Variants in VPS37B observed in about 807,000 individuals in gnomAD.
VPS37B encodes the protein VPS37B subunit of ESCRT-I.
A neutral mutation model predicts 21.2 loss-of-function variants in VPS37B; 11 were observed. The observed-to-expected ratio is 0.52, with a 90% CI of 0.33 to 0.86. The LOEUF (loss-of-function observed/expected upper bound fraction) is 0.86, where lower values mean the gene tolerates loss of function less well. VPS37B is among the 40% of genes least tolerant of loss of function. The pLI is 0.03. For missense variants in VPS37B, 389 were observed against 374.8 expected, an observed-to-expected ratio of 1.04 and a Z score of -0.31; for synonymous variants, 175 against 159.6, an observed-to-expected ratio of 1.10 and a Z score of -0.73.
intron 1 of VPS37B, chr12:122,888,466 G>A (rs1284983318): frequency 2.3e-6 from 1 of 444,388 alleles, no homozygotes; most frequent in Non-Finnish European, 4.6e-6. Context: ...GAGCGCCAGT[G>A]ATTACCTACG....
In VPS37B at chr12:122,895,868, G is replaced by A; in HGVS notation, c.111+84C>T. On this transcript the variant is annotated intron_variant, in intron 1 of 3. Transcript: ENST00000267202. ...CCTCAACACGACCGGAGGCGCCGCG[G>A]TCGCCTCCGCCTCCGGCCACCGTTC... 3.9e-6 allele frequency: 5 copies of A among 1,285,546 alleles called. No homozygotes were observed. In the South Asian group the frequency reaches 4.7e-5, roughly 12 times the overall value. The allele number at this position is 1,285,546 out of a possible 1,614,324, so 79.6% of individuals were successfully genotyped here.
intron 1 of VPS37B, chr12:122,877,711 A>G (rs2034176577): frequency 6.6e-6 from 1 of 152,198 alleles, no homozygotes; most frequent in Non-Finnish European, 1.5e-5. Flanking sequence ...CCTTTTCTAA[A>G]CCTTCCCCAG....
chr12:122,882,024 C>A (rs1445595775), intron 1 of VPS37B: 1 of 152,074 alleles, frequency 6.6e-6, no homozygotes, highest in Non-Finnish European at 1.5e-5. Context: ...AACTTTTTAA[C>A]CCTAGCTACA....
In VPS37B at chr12:122,867,239, G is replaced by A. The variant is rs138310143; in HGVS notation, c.735C>T (p.Pro245=). ...YPGLQCPPLP[P]RVGLPTQQGF... ...CTTGCTGAGTGGGGAGGCCCACGCG[G>A]GGGGGCAGGGGCGGGCACTGTAATC... The change falls in exon 4 of 4, where the codon CCC becomes CCT. Residue 245 remains proline, a synonymous_variant. Transcript: ENST00000267202. The surrounding 1 kb of genome is among the most constrained non-coding windows in gnomAD (Gnocchi z 5.5). 3,471 of 1,570,222 alleles carry A rather than the reference G, an allele frequency of 2.2e-3. 39 individuals are homozygous for A. The South Asian group carries it at 0.023, about 11-fold the overall frequency.
At position 122,878,812 on chromosome 12, in the gene VPS37B, T is replaced by C. The variant is rs2034201701; in HGVS notation, c.112-7751A>G. ...GATTACAGGCGCATGCCACCACACC[T>C]GGCTAATTTTTGTGTTTTCAGTAGA... On this transcript the variant is annotated intron_variant, in intron 1 of 3. Transcript: ENST00000267202. 3 of 151,990 alleles carry C rather than the reference T, an allele frequency of 2.0e-5. No individual in the cohort carries two copies. In the South Asian group the frequency reaches 6.2e-4, roughly 32 times the overall value. The allele number at this position is 151,990 out of a possible 1,614,324, so 9.4% of individuals were successfully genotyped here.
chr12:122,877,967 G>A (rs2034182769), intron 1 of VPS37B: 1 of 152,196 alleles, frequency 6.6e-6, no homozygotes, highest in Admixed American at 6.5e-5. Flanking sequence ...GGCTGGCTCT[G>A]GAAGTACAGG....
Position 122,871,079 on chromosome 12 carries a change from G to A in VPS37B, c.112-18C>T. 1 of 1,612,468 alleles carries A rather than the reference G, an allele frequency of 6.2e-7. No homozygotes were observed. Among genetic ancestry groups the A allele is most frequent in the Non-Finnish European group, 8.5e-7 (1 of 1,178,942 alleles). On this transcript the variant is annotated intron_variant, in intron 1 of 3. Transcript: ENST00000267202. ...TTCTGTGTCTGCAAGGAACACACAA[G>A]ATGATGAGAACCAAAAGTATATCAG...
At chr12:122,892,461 A>G (rs1056146758) in intron 1 of VPS37B, among the ~76,000 whole-genome samples, 10 of 152,172 alleles carry the variant, frequency 6.6e-5, no homozygotes, top group Non-Finnish European at 1.0e-4. Context: ...TCAGGCTTAA[A>G]GAAGCCTTAC....
intron 1 of VPS37B, chr12:122,883,127 G>C (rs377454114): frequency 6.6e-6 from 1 of 152,150 alleles, no homozygotes; most frequent in African/African-American, 2.4e-5. Context: ...GCTGCTTATC[G>C]AATGTTCCAC....
Position 122,867,832 on chromosome 12 carries a change from A to G in VPS37B, c.367-225T>C, listed in dbSNP as rs1196810747. 6.6e-6 allele frequency among the ~76,000 whole-genome samples: 1 copy of G among 152,048 alleles called. No homozygotes were observed. The highest frequency in any genetic ancestry group is 1.5e-5 in the Non-Finnish European group (1 of 68,004). ...GGACGACAGCCCTGCTGCGCACCCC[A>G]CCACCAGCGTGACAGGCAGAGGAGC... On this transcript the variant is annotated intron_variant, in intron 3 of 3. Transcript: ENST00000267202. This position sits in a 1 kb window ranked among gnomAD's most constrained non-coding sequence, Gnocchi z 5.5.
At chr12:122,876,212 G>C (rs932511611) in intron 1 of VPS37B, 16 of 152,148 alleles carry the variant, frequency 1.1e-4, no homozygotes, top group African/African-American at 3.6e-4. Flanking sequence ...CAGCCCGAGT[G>C]GTATGATTTT....
intron 1 of VPS37B, chr12:122,877,900 G>A (rs1234439410): frequency 6.6e-6 from 1 of 151,672 alleles, no homozygotes; most frequent in East Asian, 1.9e-4. Context: ...GTATTCTTCT[G>A]TGCTTGTTTG....
Position 122,867,151 on chromosome 12 carries a change from G to A in VPS37B, c.823C>T (p.Leu275Phe). Reference sequence around the variant, plus strand: ...ATGAAACCCGGCTGGTGTGGAGGGAGCCGGGGCGGGGGTCTCTGAGGGAGA... The same window carrying A: ...ATGAAACCCGGCTGGTGTGGAGGGAACCGGGGCGGGGGTCTCTGAGGGAGA... ...PPLPQRPPPR[L>F]PPHQPGFILQ The change falls in exon 4 of 4, where the codon CTC (leucine) becomes TTC (phenylalanine). Residue 275 changes from leucine to phenylalanine, a missense_variant. Physicochemically the swap from Leu to Phe is conservative, Grantham distance 22 (BLOSUM62 0). Transcript: ENST00000267202. This position sits in a 1 kb window ranked among gnomAD's most constrained non-coding sequence, Gnocchi z 5.5. 1.3e-6 allele frequency: 2 copies of A among 1,544,984 alleles called. No homozygotes were observed. Among genetic ancestry groups the A allele is most frequent in the Non-Finnish European group, 1.7e-6 (2 of 1,153,132 alleles).
At chr12:122,889,038 G>GGTTA (rs921800437) in intron 1 of VPS37B, 1 of 159,364 alleles carries the variant, frequency 6.3e-6, no homozygotes, top group African/African-American at 2.4e-5. Context: ...CTTGAAGCCC[G>GGTTA]GTTATCACCA....
chr12:122,868,150 C>T lies in VPS37B; in HGVS notation c.366+330G>A, dbSNP rs1018698602. Among the ~76,000 whole-genome samples the T allele has an allele frequency of 1.3e-5, 2 of 152,242 alleles. No homozygotes were observed. Among genetic ancestry groups the T allele is most frequent in the African/African-American group, 4.8e-5 (2 of 41,452 alleles). On this transcript the variant is annotated intron_variant, in intron 3 of 3. Transcript: ENST00000267202. The surrounding 1 kb of genome is among the most constrained non-coding windows in gnomAD (Gnocchi z 5.5). ...CTCTAATGCGCAGCTGGACGTGTCC[C>T]AGAAGCTCTGTAGCCTCCTCCCAGC...
rs2135699056 is a variant in VPS37B at position 122,871,029 on chromosome 12, T to C, written c.144A>G (p.Thr48=). 3 of 1,614,152 alleles carry C rather than the reference T, an allele frequency of 1.9e-6. No individual in the cohort carries two copies. The South Asian group carries it at 3.3e-5, about 18-fold the overall frequency. Residue 48 remains threonine, a synonymous_variant, in exon 2 of 4, where the codon ACA becomes ACG. Coordinates refer to ENST00000267202, the MANE Select transcript of VPS37B (RefSeq NM_024667.3). ...TQNVQLNKEM[T]LASNRSLAEG... is the part of the protein sequence containing the mutation. Reference sequence around the variant, plus strand: ...CTGCCAGGCTCCGGTTGCTGGCAAGTGTCATTTCTTTGTTAAGCTGAACAT... The same window carrying C: ...CTGCCAGGCTCCGGTTGCTGGCAAGCGTCATTTCTTTGTTAAGCTGAACAT...
chr12:122,868,477 T>C lies in VPS37B; in HGVS notation c.366+3A>G. ...GGATTCCACCAAGGCTGGTGGGCTT[T>C]ACCTCAGTGTCTTCCTCAATCTTGG... On this transcript the variant is annotated splice_donor_region_variant and intron_variant, in intron 3 of 3. Transcript: ENST00000267202. The surrounding 1 kb of genome is among the most constrained non-coding windows in gnomAD (Gnocchi z 5.5). 1 of 1,612,508 alleles carries C rather than the reference T, an allele frequency of 6.2e-7. No homozygotes were observed.
intron 1 of VPS37B, among the ~76,000 whole-genome samples, chr12:122,891,157 A>G (rs544828729): frequency 6.6e-6 from 1 of 152,362 alleles, no homozygotes; most frequent in African/African-American, 2.4e-5. Context: ...AAGGTCAACT[A>G]CTGGTATCAA....
At position 122,866,361 on chromosome 12, in the gene VPS37B, G is replaced by A. The variant is rs971871254; in HGVS notation, c.*755C>T. 12 of 152,734 alleles carry A rather than the reference G, an allele frequency of 7.9e-5. No individual in the cohort carries two copies. The highest frequency in any genetic ancestry group is 2.4e-4 in the African/African-American group (10 of 41,562). The allele number at this position is 152,734 out of a possible 1,614,324, so 9.5% of individuals were successfully genotyped here. A position where few individuals can be genotyped will look rare whatever the true frequency, so the allele number is the denominator to read the frequency against. Reference sequence around the variant, plus strand: ...AATATAAAACAGGAAAATCACACACGTAGTAAAAATATTGGGGGATTATTT... The same window carrying A: ...AATATAAAACAGGAAAATCACACACATAGTAAAAATATTGGGGGATTATTT... On this transcript the variant is annotated 3_prime_UTR_variant, in exon 4 of 4. Coordinates refer to ENST00000267202, the MANE Select transcript of VPS37B (RefSeq NM_024667.3).
Sources: allele counts gnomAD v4.1 joint callset (sites outside exome capture counted in the v4.1 genomes callset), GRCh38; gene constraint gnomAD v4.1.1; non-coding constraint Gnocchi (gnomAD v3.1); transcripts MANE v1.5; gene names NCBI Gene and HGNC (gene_info 2026-07-23, HGNC 2026-07-21).